Variants in GPR135 observed in about 807,000 individuals in gnomAD.
GPR135 encodes the protein G-protein coupled receptor 135.
A neutral mutation model predicts 15.0 loss-of-function variants in GPR135; 17 were observed. The observed-to-expected ratio is 1.13, with a 90% confidence interval of 0.78 to 1.70. GPR135 has a LOEUF of 1.70. GPR135 is among the 40% of genes most tolerant of loss of function. The pLI, the probability that GPR135 is intolerant of heterozygous loss-of-function variation, is 0.00. For synonymous variants in GPR135, 368 were observed against 349.4 expected (o/e 1.05, Z -0.59); for missense variants, 776 against 727.0 (o/e 1.07, Z -0.78).
intron 6 of GPR135, among the ~76,000 whole-genome samples, chr14:59,455,098 C>CAA (rs111516252): frequency 3.9e-5 from 5 of 127,942 alleles, no homozygotes; most frequent in Admixed American, 8.0e-5. Context: ...GACTCCATCT[C>CAA]AAAAAAAAAA....
rs374530687 is a variant in GPR135, at chr14:59,462,367, C to T, written c.*1375G>A. 3 of 152,164 alleles carry T rather than the reference C, an allele frequency of 2.0e-5. No individual in the cohort carries two copies. The highest frequency in any genetic ancestry group is 7.2e-5 in the African/African-American group (3 of 41,434). 9.4% of individuals were successfully genotyped at this position (152,164 alleles called of 1,614,324 possible). A position where few individuals can be genotyped will look rare whatever the true frequency, so the allele number is the denominator to read the frequency against. On this transcript the variant is annotated 3_prime_UTR_variant, in exon 1 of 1. Transcript: ENST00000395116. ...TATTTAACATTAGAAAGTTCACATACGCTTTTGAATTATTGTAAAACCATC... is the reference window on the plus strand; with the variant it reads ...TATTTAACATTAGAAAGTTCACATATGCTTTTGAATTATTGTAAAACCATC...
chr14:59,459,053 T>C (rs992631451), downstream of GPR135: 5 of 152,216 alleles, frequency 3.3e-5, no homozygotes, highest in Non-Finnish European at 5.9e-5. Flanking sequence ...ACAGACTCAC[T>C]ATTCTTACTG....
At chr14:59,459,809 G>A (rs1888792316), downstream of GPR135, among the ~76,000 whole-genome samples, 1 of 152,180 alleles carries the variant, frequency 6.6e-6, no homozygotes, top group African/African-American at 2.4e-5. Context: ...GCATGCTTAA[G>A]TGCTCATGGC....
rs1888867594 is a variant in GPR135, at chr14:59,461,778, T to A, written c.*1964A>T. On this transcript the variant is annotated 3_prime_UTR_variant, in exon 1 of 1. Transcript: ENST00000395116. The stretch of plus-strand genomic sequence containing the variant: ...TGTACTTCTATTCTATGATGTCTTT[T>A]ATAATTGAAGACTTTATCATTTCTC... 1 of 152,240 alleles carries A rather than the reference T, an allele frequency of 6.6e-6. No homozygotes were observed. The highest frequency in any genetic ancestry group is 2.1e-4 in the South Asian group (1 of 4,826). The allele number at this position is 152,240 out of a possible 1,614,324, so 9.4% of individuals were successfully genotyped here. A position where few individuals can be genotyped will look rare whatever the true frequency, so the allele number is the denominator to read the frequency against.
chr14:59,456,209 C>T (rs1486672205), downstream of GPR135, among the ~76,000 whole-genome samples: 3 of 151,874 alleles, frequency 2.0e-5, no homozygotes, highest in African/African-American at 4.8e-5. Flanking sequence ...CACAAATAAC[C>T]CCTAATGAGT....
chr14:59,464,439 A>G lies in GPR135; in HGVS notation c.788T>C (p.Leu263Pro), dbSNP rs756416825. The change falls in exon 1 of 1, where the codon CTC becomes CCC. Residue 263 changes from leucine to proline, a missense_variant. By Grantham distance (98) the Leu-to-Pro change is moderately conservative. Coordinates refer to ENST00000395116, the MANE Select transcript of GPR135 (RefSeq NM_022571.6). ...CGCGGGGTCCGGGGAGGTCCGGTAG[A>G]GGCAGCCGTGGAAGCTCTGCGCCGC... Reference protein sequence around the residue: ...LAAAQSFHGCLYRTSPDPAQL... With the variant: ...LAAAQSFHGCPYRTSPDPAQL... 6 of 1,568,552 alleles carry G rather than the reference A, an allele frequency of 3.8e-6. No homozygotes were observed. In the African/African-American group the frequency reaches 8.1e-5, roughly 21 times the overall value.
chr14:59,465,292 G>A lies in GPR135; in HGVS notation c.-66C>T. The A allele has an allele frequency of 8.6e-7, 1 of 1,162,694 alleles. No individual in the cohort carries two copies. Among genetic ancestry groups the A allele is most frequent in the Non-Finnish European group, 1.1e-6 (1 of 928,742 alleles). The allele number at this position is 1,162,694 out of a possible 1,614,324, so 72.0% of individuals were successfully genotyped here. On this transcript the variant is annotated 5_prime_UTR_variant, in exon 1 of 1. Coordinates refer to ENST00000395116, the MANE Select transcript of GPR135 (RefSeq NM_022571.6). The stretch of plus-strand genomic sequence containing the variant: ...GGGGCGGCGGCCGCTAGGTCGGAGT[G>A]GTGGCTCGGGGCCGGGGGCTAGCGG...
At position 59,463,513 on chromosome 14, in the gene GPR135, G is replaced by C. The variant is rs1015359969; in HGVS notation, c.*229C>G. On this transcript the variant is annotated 3_prime_UTR_variant, in exon 1 of 1. Transcript: ENST00000395116. ...ATTTTTGGCACTTACAGTTCACAAT[G>C]CTTGGTTATGTGGTTTAAGATTGTT... 1 of 537,938 alleles carries C rather than the reference G, an allele frequency of 1.9e-6. No homozygotes were observed. Among genetic ancestry groups the C allele is most frequent in the African/African-American group, 1.9e-5 (1 of 52,584 alleles). 33.3% of individuals were successfully genotyped at this position (537,938 alleles called of 1,614,324 possible).
At chr14:59,457,449 A>G (rs1888695312), downstream of GPR135, among the ~76,000 whole-genome samples, 1 of 152,094 alleles carries the variant, frequency 6.6e-6, no homozygotes, top group African/African-American at 2.4e-5. Flanking sequence ...CACATTACAC[A>G]TATATTAATG....
At chr14:59,456,690 A>C (rs75965699), downstream of GPR135, 50 of 152,344 alleles carry the variant, frequency 3.3e-4, no homozygotes, top group African/African-American at 1.2e-3. Flanking sequence ...TCATTGCAGT[A>C]TTATTTTCCA....
rs938961347 is a variant in GPR135, at chr14:59,465,266, G to A, written c.-40C>T. ...GCCGCGGATCTCCTCATCCCGCACC[G>A]GGGGCGGCGGCCGCTAGGTCGGAGT... On this transcript the variant is annotated 5_prime_UTR_variant, in exon 1 of 1. Transcript: ENST00000395116. The A allele has an allele frequency of 1.6e-6, 2 of 1,217,630 alleles. No individual in the cohort carries two copies. Among genetic ancestry groups the A allele is most frequent in the Non-Finnish European group, 2.0e-6 (2 of 977,944 alleles). 75.4% of individuals were successfully genotyped at this position (1,217,630 alleles called of 1,614,324 possible).
chr14:59,464,070 A>G lies in GPR135; in HGVS notation c.1157T>C (p.Ile386Thr). ...TWANGAINPV[I>T]YAIRNPNISM... ...AATGTTGGGATTGCGGATGGCGTAG[A>G]TGACAGGGTTGATGGCCCCATTGGC... The change falls in exon 1 of 1, where the codon ATC (isoleucine) becomes ACC (threonine). Residue 386 changes from isoleucine to threonine, a missense_variant. By Grantham distance (89) the Ile-to-Thr change is moderately conservative. Coordinates refer to ENST00000395116, the MANE Select transcript of GPR135 (RefSeq NM_022571.6). 1 of 1,613,272 alleles carries G rather than the reference A, an allele frequency of 6.2e-7. No homozygotes were observed. The highest frequency in any genetic ancestry group is 1.3e-5 in the African/African-American group (1 of 75,062).
chr14:59,453,992 A>T (rs1458542559), intron 6 of GPR135, among the ~76,000 whole-genome samples: 1 of 152,170 alleles, frequency 6.6e-6, no homozygotes, highest in African/African-American at 2.4e-5. Flanking sequence ...TCCAAAAGGG[A>T]AGTGGGGCCA....
At chr14:59,456,496 G>A (rs1187185926), downstream of GPR135, 1 of 152,126 alleles carries the variant, frequency 6.6e-6, no homozygotes, top group Non-Finnish European at 1.5e-5. Context: ...AAAACTGCAG[G>A]GAAACAATCA....
At chr14:59,453,306 C>T (rs915740352) in intron 6 of GPR135, among the ~76,000 whole-genome samples, 1 of 152,060 alleles carries the variant, frequency 6.6e-6, no homozygotes, top group Non-Finnish European at 1.5e-5. Flanking sequence ...ATATTGGTAA[C>T]AGGTGAGGTT....
chr14:59,465,154 A>C lies in GPR135; in HGVS notation c.73T>G (p.Ser25Ala). The C allele has an allele frequency of 7.4e-7, 1 of 1,342,574 alleles. No individual in the cohort carries two copies. The highest frequency in any genetic ancestry group is 9.5e-7 in the Non-Finnish European group (1 of 1,048,546). The allele number at this position is 1,342,574 out of a possible 1,614,324, so 83.2% of individuals were successfully genotyped here. A position where few individuals can be genotyped will look rare whatever the true frequency, so the allele number is the denominator to read the frequency against. ...LLGSQHSGAP[S>A]AAGPPGGTSS... The stretch of plus-strand genomic sequence containing the variant: ...GTCCCGCCAGGTGGGCCGGCCGCGG[A>C]GGGGGCGCCGGAGTGCTGGCTGCCC... The change falls in exon 1 of 1, where the codon TCC becomes GCC. Residue 25 changes from serine to alanine, a missense_variant. Ser to Ala is a moderately conservative substitution (Grantham distance 99). Transcript: ENST00000395116.
downstream of GPR135, chr14:59,459,022 G>C (rs1441722779): frequency 3.3e-5 from 5 of 152,196 alleles, no homozygotes; most frequent in African/African-American, 1.2e-4. Context: ...TAGGGAGAGA[G>C]TGGGTTATAA....
At position 59,465,095 on chromosome 14, in the gene GPR135, GA is replaced by G; in HGVS notation, c.131del (p.Phe44SerfsTer12). 2.2e-6 allele frequency: 3 copies of G among 1,388,158 alleles called. No homozygotes were observed. Among genetic ancestry groups the G allele is most frequent in the Admixed American group, 2.8e-5 (1 of 35,744 alleles). 86.0% of individuals were successfully genotyped at this position (1,388,158 alleles called of 1,614,324 possible). ...CCAGCGCCGCGGTCGCCACGGTGCT[GA>G]AGGAGAGCACGGCCGCCGTGGCCGC... ...SSAATAAVLS[F>X]STVATAALGN... On this transcript the variant is annotated frameshift_variant, in exon 1 of 1. Coordinates refer to ENST00000395116, the MANE Select transcript of GPR135 (RefSeq NM_022571.6). LOFTEE classifies it high-confidence loss of function.
Position 59,464,929 on chromosome 14 carries a change from C to T in GPR135, c.298G>A (p.Gly100Arg), listed in dbSNP as rs754486869. Residue 100 changes from glycine to arginine, a missense_variant, in exon 1 of 1, where the codon GGA (glycine) becomes AGA (arginine). By Grantham distance (125) the Gly-to-Arg change is moderately radical. Coordinates refer to ENST00000395116, the MANE Select transcript of GPR135 (RefSeq NM_022571.6). ...AGCGCCTGGGCCGCCACTGCAGCTC[C>T]GTGCGACAGCAGCGGCGCCGCCTCC... is the stretch of plus-strand genomic sequence containing the variant. ...GPEAAPLLSHGAAVAAQALVL... is the reference protein window; with the variant it reads ...GPEAAPLLSHRAAVAAQALVL... The T allele has an allele frequency of 6.3e-7, 1 of 1,579,580 alleles. No homozygotes were observed. Among genetic ancestry groups the T allele is most frequent in the Non-Finnish European group, 8.6e-7 (1 of 1,166,270 alleles).
Sources: allele counts gnomAD v4.1 joint callset (sites outside exome capture counted in the v4.1 genomes callset), GRCh38; gene constraint gnomAD v4.1.1; transcripts MANE v1.5; gene names NCBI Gene and HGNC (gene_info 2026-07-23, HGNC 2026-07-21).